The following SGCZ variants were observed in gnomAD, a reference collection of about 807,000 sequenced individuals.
SGCZ encodes the protein zeta-sarcoglycan.
SGCZ carries 40 observed loss-of-function variants against 41.3 expected under a neutral mutation model. The ratio of observed to expected loss-of-function variants is 0.97; its 90% CI spans 0.75 to 1.26. The LOEUF (loss-of-function observed/expected upper bound fraction) is 1.26. SGCZ is among the 50% of genes most tolerant of loss of function. The pLI is 0.00. For missense variants in SGCZ, 552 were observed against 369.8 expected, an observed-to-expected ratio of 1.49 and a Z score of -4.04; for synonymous variants, 206 against 137.5, an observed-to-expected ratio of 1.50 and a Z score of -3.49.
intron 7 of SGCZ, among the ~76,000 whole-genome samples, chr8:14,098,786 G>A (rs569160145): frequency 5.9e-5 from 9 of 152,126 alleles, no homozygotes; most frequent in Non-Finnish European, 1.3e-4. Context: ...ATGACTGTAA[G>A]AGTAAGTAAG....
chr8:15,180,773 G>C (rs1409776710), intron 1 of SGCZ, among the ~76,000 whole-genome samples: 4 of 120,730 alleles, frequency 3.3e-5, no homozygotes, highest in Non-Finnish European at 8.0e-5. Flanking sequence ...TGTAGCCCCA[G>C]CTACTCAGGA....
intron 4 of SGCZ, among the ~76,000 whole-genome samples, chr8:14,183,615 T>A (rs763213338): frequency 6.6e-6 from 1 of 152,208 alleles, no homozygotes; most frequent in Non-Finnish European, 1.5e-5. Context: ...TATCTCAGCA[T>A]AGTTACAAAA....
At chr8:14,833,668 G>A (rs533910026) in intron 1 of SGCZ, among the ~76,000 whole-genome samples, 2 of 152,254 alleles carry the variant, frequency 1.3e-5, no homozygotes, top group African/African-American at 4.8e-5. Flanking sequence ...ACGAAGGAAG[G>A]GGTTCCCTCA....
chr8:15,045,287 G>C (rs1002617287), intron 1 of SGCZ, among the ~76,000 whole-genome samples: 3 of 152,044 alleles, frequency 2.0e-5, no homozygotes, highest in Admixed American at 6.6e-5. Context: ...TTACAGAGCT[G>C]ATGAAAACTT....
At chr8:15,001,052 C>G (rs73519088) in intron 1 of SGCZ, among the ~76,000 whole-genome samples, 3,390 of 152,262 alleles carry the variant, frequency 0.022, 148 homozygotes, top group African/African-American at 0.077. Flanking sequence ...GGGACAACAA[C>G]GGCTGAGTGA....
chr8:14,681,300 T>C (rs1585178362), intron 1 of SGCZ, among the ~76,000 whole-genome samples: 1 of 152,000 alleles, frequency 6.6e-6, no homozygotes, highest in African/African-American at 2.4e-5. Flanking sequence ...TCAGGAACAA[T>C]GCAAGCCACA....
intron 2 of SGCZ, among the ~76,000 whole-genome samples, chr8:14,526,954 C>A (rs1369051654): frequency 6.6e-6 from 1 of 152,106 alleles, no homozygotes; most frequent in East Asian, 1.9e-4. Flanking sequence ...GGCACGACAA[C>A]AGACAACTGC....
At chr8:15,167,789 A>G (rs928165397) in intron 1 of SGCZ, among the ~76,000 whole-genome samples, 3 of 152,222 alleles carry the variant, frequency 2.0e-5, no homozygotes, top group African/African-American at 7.2e-5. Context: ...ATTTTAGGCT[A>G]ACCCTGCTTG....
intron 2 of SGCZ, among the ~76,000 whole-genome samples, chr8:14,463,669 G>A (rs919842222): frequency 2.6e-5 from 4 of 151,658 alleles, no homozygotes; most frequent in Non-Finnish European, 4.4e-5. Flanking sequence ...TTTCAAAAAT[G>A]TGTAACAAAA....
At chr8:14,096,835 A>C (rs1585129832) in intron 7 of SGCZ, among the ~76,000 whole-genome samples, 1 of 151,984 alleles carries the variant, frequency 6.6e-6, no homozygotes, top group African/African-American at 2.4e-5. Flanking sequence ...AGTCTTGGGA[A>C]GGTGTATGTG....
chr8:14,403,888 C>G (rs1799142535), intron 2 of SGCZ, among the ~76,000 whole-genome samples: 1 of 152,038 alleles, frequency 6.6e-6, no homozygotes, highest in South Asian at 2.1e-4. Context: ...TTAAAATAAT[C>G]AGTCATAGAC....
At chr8:14,928,173 C>G (rs989280286) in intron 1 of SGCZ, among the ~76,000 whole-genome samples, 37 of 152,142 alleles carry the variant, frequency 2.4e-4, no homozygotes, top group African/African-American at 8.7e-4. Flanking sequence ...CAGATTATCT[C>G]TGAGTAATAA....
chr8:15,156,904 C>T (rs536712391), intron 1 of SGCZ, among the ~76,000 whole-genome samples: 3 of 146,714 alleles, frequency 2.0e-5, no homozygotes, highest in Admixed American at 6.9e-5. Flanking sequence ...GAGCATGCAG[C>T]ATCGCACTCC....
At chr8:14,839,930 T>C (rs879633701) in intron 1 of SGCZ, among the ~76,000 whole-genome samples, 1 of 152,292 alleles carries the variant, frequency 6.6e-6, no homozygotes, top group African/African-American at 2.4e-5. Flanking sequence ...TATATTTATA[T>C]TGCAAGATGT....
intron 1 of SGCZ, among the ~76,000 whole-genome samples, chr8:15,020,839 CAT>C (rs1431770071): frequency 6.6e-6 from 1 of 152,178 alleles, no homozygotes; most frequent in Admixed American, 6.5e-5. Flanking sequence ...CCTTTCTTCA[CAT>C]AGTCATTCTG....
At chr8:14,716,372 G>C (rs1389378288) in intron 1 of SGCZ, among the ~76,000 whole-genome samples, 1 of 151,906 alleles carries the variant, frequency 6.6e-6, no homozygotes, top group African/African-American at 2.4e-5. Flanking sequence ...ACTTAAAACT[G>C]TAAAATGTTA....
intron 1 of SGCZ, among the ~76,000 whole-genome samples, chr8:14,628,188 G>C (rs1292150719): frequency 6.6e-6 from 1 of 152,058 alleles, no homozygotes. Flanking sequence ...GGTGGGGGTT[G>C]CTGTTTGTAC....
At chr8:14,218,605 C>T (rs990003181) in intron 4 of SGCZ, among the ~76,000 whole-genome samples, 9 of 152,198 alleles carry the variant, frequency 5.9e-5, no homozygotes, top group African/African-American at 2.2e-4. Flanking sequence ...TGTTAAATGA[C>T]ATTTTAATGT....
At chr8:14,949,363 T>A (rs771860692) in intron 1 of SGCZ, among the ~76,000 whole-genome samples, 7 of 152,092 alleles carry the variant, frequency 4.6e-5, no homozygotes, top group Non-Finnish European at 7.4e-5. Context: ...ATTTTAAAAG[T>A]ACAGAAAATT....
Sources: gnomAD v4.1 joint callset for allele counts (sites outside exome capture counted in the v4.1 genomes callset) on GRCh38, gnomAD v4.1.1 for gene constraint, MANE v1.5 for transcripts, NCBI Gene and HGNC (gene_info 2026-07-23, HGNC 2026-07-21) for gene names.